The following CPNE4 variants were observed in gnomAD, a reference collection of about 807,000 sequenced individuals.
CPNE4 encodes copine-4.
A neutral mutation model predicts 67.9 loss-of-function variants in CPNE4; 25 were observed. The observed-to-expected ratio is 0.37, with a 90% CI of 0.27 to 0.51. The LOEUF (loss-of-function observed/expected upper bound fraction) is 0.51. Among genes scored for constraint, CPNE4 ranks in the 20% least tolerant of loss-of-function variants. The pLI is 0.93. For missense variants in CPNE4, 464 were observed against 690.8 expected (o/e 0.67, Z 3.68); for synonymous variants, 242 against 244.9 (o/e 0.99, Z 0.11).
intron 7 of CPNE4, among the ~76,000 whole-genome samples, chr3:131,627,193 CAAA>C (rs57977015): frequency 7.3e-5 from 5 of 68,386 alleles, no homozygotes; most frequent in Non-Finnish European, 6.9e-5. Flanking sequence ...GACTCCATCT[CAAA>C]AAAAAAAAAA....
chr3:131,984,853 A>G (rs2073003806), intron 1 of CPNE4, among the ~76,000 whole-genome samples: 1 of 152,170 alleles, frequency 6.6e-6, no homozygotes, highest in Non-Finnish European at 1.5e-5. Context: ...TTCCCCAGTA[A>G]GATTAAGCTC....
intron 6 of CPNE4, among the ~76,000 whole-genome samples, chr3:131,677,150 CAT>C (rs1403916027): frequency 6.6e-6 from 1 of 151,504 alleles, no homozygotes; most frequent in African/African-American, 2.4e-5. Flanking sequence ...AGCTTTTTTT[CAT>C]ATGATTGTTG....
chr3:131,953,437 G>T (rs1342398272), intron 1 of CPNE4, among the ~76,000 whole-genome samples: 1 of 151,892 alleles, frequency 6.6e-6, no homozygotes, highest in South Asian at 2.1e-4. Context: ...AAAGGATATT[G>T]AATTATGTCA....
chr3:131,538,261 G>GT, intron 15 of CPNE4, among the ~76,000 whole-genome samples: 1 of 152,204 alleles, frequency 6.6e-6, no homozygotes, highest in East Asian at 1.9e-4. Flanking sequence ...TTGAAATAAA[G>GT]CAAGTCTGAC....
At chr3:131,626,616 A>G (rs891224048) in intron 7 of CPNE4, among the ~76,000 whole-genome samples, 1 of 152,262 alleles carries the variant, frequency 6.6e-6, no homozygotes, top group African/African-American at 2.4e-5. Context: ...TCTCCATACC[A>G]GAAAAGTATA....
intron 1 of CPNE4, among the ~76,000 whole-genome samples, chr3:132,031,998 T>C (rs1004566634): frequency 1.1e-4 from 17 of 152,150 alleles, no homozygotes; most frequent in African/African-American, 4.1e-4. Context: ...TATTTTTAAT[T>C]AGAAATACAC....
At chr3:131,867,478 T>C (rs1416983164) in intron 2 of CPNE4, among the ~76,000 whole-genome samples, 1 of 151,948 alleles carries the variant, frequency 6.6e-6, no homozygotes, top group African/African-American at 2.4e-5. Flanking sequence ...CAATGTTGAA[T>C]GAGCCACTGT....
chr3:131,613,176 G>C (rs955626555), intron 7 of CPNE4, among the ~76,000 whole-genome samples: 1 of 152,168 alleles, frequency 6.6e-6, no homozygotes, highest in Non-Finnish European at 1.5e-5. Flanking sequence ...TTAGTGAATA[G>C]TTTTAGCAAT....
intron 11 of CPNE4, among the ~76,000 whole-genome samples, chr3:131,559,581 T>C (rs7631079): frequency 0.012 from 1,802 of 152,162 alleles, 47 homozygotes; most frequent in African/African-American, 0.041. Flanking sequence ...ATACTTTGAA[T>C]CTTTTCATCT....
At chr3:131,721,280 T>G (rs2081876724) in intron 3 of CPNE4, among the ~76,000 whole-genome samples, 1 of 148,574 alleles carries the variant, frequency 6.7e-6, no homozygotes, top group African/African-American at 2.5e-5. Flanking sequence ...ATGAGCCTTG[T>G]GAGGGACTAA....
At chr3:131,688,158 AG>A (rs1364674724) in intron 5 of CPNE4, among the ~76,000 whole-genome samples, 4 of 152,208 alleles carry the variant, frequency 2.6e-5, no homozygotes, top group African/African-American at 7.2e-5. Context: ...AGTATATGTT[AG>A]AAGGAGGAGA....
intron 1 of CPNE4, among the ~76,000 whole-genome samples, chr3:131,980,390 TTTC>T (rs1293469625): frequency 6.6e-6 from 1 of 152,066 alleles, no homozygotes. Flanking sequence ...TTGTTCATAT[TTTC>T]TTATTCTTTT....
At chr3:132,039,235 T>C (rs1441069040), upstream of CPNE4, among the ~76,000 whole-genome samples, 1 of 152,154 alleles carries the variant, frequency 6.6e-6, no homozygotes, top group African/African-American at 2.4e-5. Flanking sequence ...GAGAAGGAGA[T>C]ACTGAATCAG....
At chr3:131,991,446 C>T (rs903695516) in intron 1 of CPNE4, among the ~76,000 whole-genome samples, 2 of 135,974 alleles carry the variant, frequency 1.5e-5, no homozygotes, top group African/African-American at 4.9e-5. Flanking sequence ...ATAGGTGACT[C>T]TTTCTATGCT....
upstream of CPNE4, among the ~76,000 whole-genome samples, chr3:132,036,329 G>A (rs565902548): frequency 1.5e-4 from 23 of 152,108 alleles, no homozygotes; most frequent in African/African-American, 5.1e-4. Context: ...TTACACTAAT[G>A]GGCCAGGACT....
At chr3:131,753,739 A>G (rs2082685643) in intron 2 of CPNE4, among the ~76,000 whole-genome samples, 1 of 152,168 alleles carries the variant, frequency 6.6e-6, no homozygotes. Flanking sequence ...CTTGACTTCC[A>G]TCAGACTGGT....
intron 1 of CPNE4, among the ~76,000 whole-genome samples, chr3:131,951,583 T>C (rs1193192623): frequency 2.1e-5 from 3 of 141,602 alleles, no homozygotes; most frequent in Admixed American, 6.8e-5. Context: ...TCCCTCTCCC[T>C]CTCTTTCCAT....
chr3:131,542,435 A>G, intron 15 of CPNE4, 122 bp downstream of exon 15: 2 of 755,972 alleles, frequency 2.6e-6, no homozygotes, highest in Non-Finnish European at 2.3e-6. Context: ...GGGTATGTAG[A>G]GCATAGCTGG....
At chr3:131,949,070 C>A (rs1161301230) in intron 1 of CPNE4, among the ~76,000 whole-genome samples, 2 of 152,092 alleles carry the variant, frequency 1.3e-5, no homozygotes, top group Admixed American at 1.3e-4. Flanking sequence ...ATAATATAAA[C>A]CTTGCAGGGT....
Sources: allele counts gnomAD v4.1 joint callset (sites outside exome capture counted in the v4.1 genomes callset), GRCh38; gene constraint gnomAD v4.1.1; transcripts MANE v1.5; gene names NCBI Gene and HGNC (gene_info 2026-07-23, HGNC 2026-07-21).